MDGA2: variants seen among roughly 807,000 people sequenced by gnomAD.
The protein encoded by MDGA2 is MAM domain-containing glycosylphosphatidylinositol anchor protein 2.
A neutral mutation model predicts 117.8 loss-of-function variants in MDGA2; 40 were observed. That is an observed-to-expected ratio of 0.34 (90% CI 0.26 to 0.44). The LOEUF (loss-of-function observed/expected upper bound fraction) is 0.44, where lower values mean the gene tolerates loss of function less well. Ranked by LOEUF, MDGA2 falls within the 20% of genes least tolerant of loss-of-function variation. The pLI is 1.00. For synonymous variants in MDGA2, 452 were observed against 439.0 expected, an observed-to-expected ratio of 1.03 and a Z score of -0.37; for missense variants, 1,123 against 1,250.6, an observed-to-expected ratio of 0.90 and a Z score of 1.54.
intron 10 of MDGA2, among the ~76,000 whole-genome samples, chr14:46,912,567 T>A (rs1024723652): frequency 6.6e-6 from 1 of 152,334 alleles, no homozygotes; most frequent in Admixed American, 6.5e-5. Context: ...TAAACATTGA[T>A]TAAAAATCTT....
intron 8 of MDGA2, among the ~76,000 whole-genome samples, chr14:47,005,588 GTTAT>G (rs1887681384): frequency 6.6e-6 from 1 of 151,346 alleles, no homozygotes; most frequent in Non-Finnish European, 1.5e-5. Context: ...TTCTTGTATG[GTTAT>G]TTACTTTTTT....
chr14:47,633,352 A>T (rs1314984652), intron 1 of MDGA2, among the ~76,000 whole-genome samples: 1 of 152,192 alleles, frequency 6.6e-6, no homozygotes, highest in Non-Finnish European at 1.5e-5. Context: ...GGGCTTTGGA[A>T]TTCCAAAGAA....
chr14:47,311,395 T>A (rs1889629624), intron 1 of MDGA2, among the ~76,000 whole-genome samples: 1 of 152,142 alleles, frequency 6.6e-6, no homozygotes, highest in Non-Finnish European at 1.5e-5. Context: ...CAGAGAATTG[T>A]GAGGATCTGG....
At chr14:47,200,592 G>A in intron 3 of MDGA2, 1 of 1,107,682 alleles carries the variant, frequency 9.0e-7, no homozygotes, top group Non-Finnish European at 1.3e-6. Context: ...AGGAGTCCGT[G>A]AGTCTTGAAG....
At chr14:47,430,193 T>C (rs1268612094) in intron 1 of MDGA2, among the ~76,000 whole-genome samples, 1 of 151,890 alleles carries the variant, frequency 6.6e-6, no homozygotes, top group Non-Finnish European at 1.5e-5. Context: ...TGAGACATAT[T>C]TGTGAAAGAC....
chr14:46,877,141 A>C (rs967853552), intron 12 of MDGA2, among the ~76,000 whole-genome samples: 5 of 151,630 alleles, frequency 3.3e-5, no homozygotes, highest in African/African-American at 1.2e-4. Flanking sequence ...TCAAAGAAGG[A>C]AAATCAAAGA....
chr14:46,844,594 T>C (rs1384826954), intron 16 of MDGA2, among the ~76,000 whole-genome samples: 1 of 151,816 alleles, frequency 6.6e-6, no homozygotes. Flanking sequence ...AAAAAAAAAT[T>C]GGCTAAATCA....
At chr14:47,667,784 T>C (rs1235564416) in intron 1 of MDGA2, among the ~76,000 whole-genome samples, 1 of 152,192 alleles carries the variant, frequency 6.6e-6, no homozygotes, top group East Asian at 1.9e-4. Context: ...CACTTGATTA[T>C]TTTTATTTCC....
chr14:47,581,371 T>C (rs560156786), intron 1 of MDGA2, among the ~76,000 whole-genome samples: 1 of 152,134 alleles, frequency 6.6e-6, no homozygotes, highest in South Asian at 2.1e-4. Flanking sequence ...TTTTGATTAT[T>C]TGAGGATATA....
chr14:47,161,259 AT>A (rs1189565894), intron 3 of MDGA2, among the ~76,000 whole-genome samples: 1 of 152,016 alleles, frequency 6.6e-6, no homozygotes, highest in East Asian at 1.9e-4. Context: ...TAATTACGGC[AT>A]TTTGAGCTGA....
At chr14:47,191,274 C>T (rs1885101914) in intron 3 of MDGA2, among the ~76,000 whole-genome samples, 1 of 151,556 alleles carries the variant, frequency 6.6e-6, no homozygotes, top group Non-Finnish European at 1.5e-5. Flanking sequence ...CTTACATATT[C>T]TTCTTTTATA....
rs1882586669 is a variant in MDGA2 at position 46,884,370 on chromosome 14, T to A, written c.2239-2149A>T. Among the ~76,000 whole-genome samples, 1 of 152,122 alleles carries A rather than the reference T, an allele frequency of 6.6e-6. No individual in the cohort carries two copies. Among genetic ancestry groups the A allele is most frequent in the African/African-American group, 2.4e-5 (1 of 41,444 alleles). On this transcript the variant is annotated intron_variant, in intron 10 of 16. Coordinates refer to ENST00000399232, the MANE Select transcript of MDGA2 (RefSeq NM_001113498.3). This position sits in a 1 kb window ranked among gnomAD's most constrained non-coding sequence, Gnocchi z 4.1. ...TTTCCCTTGGATTTTTACGTAGTAC[T>A]TTCTCTATGTACACACACATACACA...
intron 3 of MDGA2, among the ~76,000 whole-genome samples, chr14:47,195,603 C>T (rs1162404052): frequency 6.6e-6 from 1 of 151,934 alleles, no homozygotes. Context: ...AACTGAAAAT[C>T]ATATAAAAAG....
chr14:47,641,850 C>G (rs1292940526), intron 1 of MDGA2, among the ~76,000 whole-genome samples: 1 of 152,024 alleles, frequency 6.6e-6, no homozygotes, highest in East Asian at 1.9e-4. Context: ...TTTAGCAGTT[C>G]ATTCATCAAT....
At chr14:47,279,240 G>C (rs1172195049) in intron 2 of MDGA2, among the ~76,000 whole-genome samples, 1 of 152,166 alleles carries the variant, frequency 6.6e-6, no homozygotes, top group Non-Finnish European at 1.5e-5. Context: ...TACTGATAGA[G>C]TATATTATCA....
At chr14:47,193,900 A>C (rs1594712212) in intron 3 of MDGA2, among the ~76,000 whole-genome samples, 1 of 152,192 alleles carries the variant, frequency 6.6e-6, no homozygotes, top group Non-Finnish European at 1.5e-5. Context: ...AGTGGTCTTC[A>C]ATTACTTTAG....
At chr14:47,416,415 A>T (rs2138497383) in intron 1 of MDGA2, among the ~76,000 whole-genome samples, 1 of 152,332 alleles carries the variant, frequency 6.6e-6, no homozygotes, top group East Asian at 1.9e-4. Flanking sequence ...TAAAGCAAGG[A>T]GAACCTCCAA....
intron 8 of MDGA2, among the ~76,000 whole-genome samples, chr14:46,989,930 A>G (rs1887020172): frequency 2.0e-5 from 3 of 152,168 alleles, no homozygotes; most frequent in Non-Finnish European, 4.4e-5. Flanking sequence ...CAATTTATCC[A>G]TATTATGAAA....
rs879482339 is a variant in MDGA2 at position 47,360,312 on chromosome 14, T to C, written c.281-58762A>G. On this transcript the variant is annotated intron_variant, in intron 1 of 16. Transcript: ENST00000399232. ...GTTGCGGTGAGCCAAGATCGTGCCA[T>C]TGCACTCCAGCCTGGGCAACAGGAG... Among the ~76,000 whole-genome samples the C allele has an allele frequency of 2.0e-5, 3 of 149,774 alleles. No homozygotes were observed. In the Admixed American group the frequency reaches 2.0e-4, roughly 10 times the overall value.
Sources: allele counts gnomAD v4.1 joint callset (sites outside exome capture counted in the v4.1 genomes callset), GRCh38; gene constraint gnomAD v4.1.1; non-coding constraint Gnocchi (gnomAD v3.1); transcripts MANE v1.5; gene names NCBI Gene and HGNC (gene_info 2026-07-23, HGNC 2026-07-21).